ZFYVE9: variants seen among roughly 807,000 people sequenced by gnomAD.
ZFYVE9 encodes the protein zinc finger FYVE-type containing 9.
Under a neutral mutation model 126.7 loss-of-function variants are expected in ZFYVE9, and 43 were observed. The ratio of observed to expected loss-of-function variants is 0.34; its 90% CI spans 0.27 to 0.44. ZFYVE9 has a LOEUF of 0.44. Ranked by LOEUF, ZFYVE9 falls within the 20% of genes least tolerant of loss-of-function variation. The pLI is 1.00. For missense variants in ZFYVE9, 1,476 were observed against 1,697.0 expected (o/e 0.87, Z 2.29); for synonymous variants, 521 against 597.4 (o/e 0.87, Z 1.87).
Position 52,334,763 on chromosome 1 carries a change from T to C in ZFYVE9, c.3665T>C (p.Val1222Ala), listed in dbSNP as rs1184681925. The C allele has an allele frequency of 1.2e-6, 2 of 1,613,928 alleles. No individual in the cohort carries two copies. The highest frequency in any genetic ancestry group is 1.7e-6 in the Non-Finnish European group (2 of 1,179,866). The change falls in exon 15 of 19, where the codon GTG becomes GCG. Residue 1222 changes from valine (V) to alanine (A), a missense_variant. Val to Ala is a moderately conservative substitution (Grantham distance 64, BLOSUM62 0). Around this residue, in one of 2 missense-constraint regions of ZFYVE9, gnomAD observed 669 missense variants for 902.4 expected, o/e 0.74. Coordinates refer to ENST00000287727, the MANE Select transcript of ZFYVE9 (RefSeq NM_004799.4). The stretch of plus-strand genomic sequence containing the variant: ...GGATACCTTGCCAAGTCCAGTATTG[T>C]GGAAGGTAAAGAATGAATTGTTCAG... ...SSGYLAKSSI[V>A]EDGVMVQITA...
intron 1 of ZFYVE9, among the ~76,000 whole-genome samples, chr1:52,204,967 A>C (rs923026644): frequency 2.6e-5 from 4 of 151,730 alleles, no homozygotes; most frequent in African/African-American, 9.7e-5. Context: ...TCTGGTTCCC[A>C]CAGAGGTTCC....
chr1:52,149,510 G>A (rs1018202767), intron 1 of ZFYVE9, among the ~76,000 whole-genome samples: 2 of 152,192 alleles, frequency 1.3e-5, no homozygotes, highest in Non-Finnish European at 2.9e-5. Context: ...TTTCTAGGCA[G>A]TCAGGCATGA....
intron 9 of ZFYVE9, among the ~76,000 whole-genome samples, chr1:52,280,208 C>T (rs1312268990): frequency 1.4e-5 from 2 of 147,142 alleles, no homozygotes; most frequent in Non-Finnish European, 3.0e-5. Flanking sequence ...GAAACCTCAT[C>T]CCTACCAAAA....
intron 12 of ZFYVE9, among the ~76,000 whole-genome samples, chr1:52,296,698 G>A (rs907448860): frequency 1.3e-5 from 2 of 152,032 alleles, no homozygotes; most frequent in African/African-American, 2.4e-5. Flanking sequence ...AACAGGTTTG[G>A]TGAAATCAAG....
intron 11 of ZFYVE9, 138 bp from the exon 12 acceptor site, chr1:52,295,757 A>G (rs1048974176): frequency 1.1e-4 from 70 of 637,226 alleles, no homozygotes; most frequent in Non-Finnish European, 1.3e-4. Context: ...ACCATGCCAA[A>G]TACTTTTTGA....
intron 17 of ZFYVE9, among the ~76,000 whole-genome samples, chr1:52,343,500 A>G (rs12726047): frequency 6.6e-6 from 1 of 151,570 alleles, no homozygotes; most frequent in African/African-American, 2.4e-5. Context: ...TCACACCTGT[A>G]ATCGTAGCAC....
At chr1:52,163,089 C>A (rs527476289) in intron 1 of ZFYVE9, 64 of 207,582 alleles carry the variant, frequency 3.1e-4, no homozygotes, top group South Asian at 1.4e-4. Context: ...TTGTACTTTG[C>A]GTATTCTTCC....
intron 9 of ZFYVE9, among the ~76,000 whole-genome samples, chr1:52,280,106 A>G (rs764588477): frequency 6.6e-6 from 1 of 151,496 alleles, no homozygotes; most frequent in Non-Finnish European, 1.5e-5. Context: ...ACCAGGCACC[A>G]TGGTGCACAC....
At chr1:52,183,728 A>G (rs1414198455) in intron 1 of ZFYVE9, among the ~76,000 whole-genome samples, 1 of 151,626 alleles carries the variant, frequency 6.6e-6, no homozygotes, top group East Asian at 1.9e-4. Flanking sequence ...CTGGTCTCAA[A>G]CTCCTGAGCT....
At chr1:52,304,977 G>A (rs1455540774) in intron 13 of ZFYVE9, among the ~76,000 whole-genome samples, 2 of 152,144 alleles carry the variant, frequency 1.3e-5, no homozygotes, top group East Asian at 3.9e-4. Flanking sequence ...ATCTTGCTCT[G>A]TTGCCCAGGC....
intron 4 of ZFYVE9, among the ~76,000 whole-genome samples, chr1:52,245,758 C>T (rs1481258368): frequency 2.0e-4 from 30 of 152,092 alleles, no homozygotes; most frequent in Admixed American, 2.0e-3. Flanking sequence ...CCCTAATTAA[C>T]ATTGAAGAAA....
intron 1 of ZFYVE9, among the ~76,000 whole-genome samples, chr1:52,146,030 C>CACAT (rs961157196): frequency 6.7e-6 from 1 of 150,040 alleles, no homozygotes; most frequent in Non-Finnish European, 1.5e-5. Context: ...AAAATATCCA[C>CACAT]ACACACACAC....
intron 2 of ZFYVE9, among the ~76,000 whole-genome samples, chr1:52,231,721 T>A (rs1171328568): frequency 1.3e-5 from 2 of 151,926 alleles, no homozygotes; most frequent in Non-Finnish European, 2.9e-5. Context: ...CCTCCCGGGT[T>A]CAAGTGATTC....
intron 2 of ZFYVE9, among the ~76,000 whole-genome samples, chr1:52,219,598 C>T (rs757299383): frequency 5.9e-5 from 9 of 151,740 alleles, no homozygotes; most frequent in Non-Finnish European, 1.0e-4. Context: ...GTGGAGTTTG[C>T]GCTAGGAGGC....
At chr1:52,271,991 C>G (rs1012981597) in intron 7 of ZFYVE9, among the ~76,000 whole-genome samples, 10 of 152,016 alleles carry the variant, frequency 6.6e-5, no homozygotes, top group Non-Finnish European at 8.8e-5. Flanking sequence ...AGGCGCCCAC[C>G]ACCACACCTG....
At chr1:52,331,746 T>A (rs754101944) in intron 13 of ZFYVE9, among the ~76,000 whole-genome samples, 1 of 146,574 alleles carries the variant, frequency 6.8e-6, no homozygotes, top group Non-Finnish European at 1.5e-5. Flanking sequence ...AGAGAGACCC[T>A]GTCTCAAAAA....
At chr1:52,286,108 A>G (rs1645856037) in intron 10 of ZFYVE9, among the ~76,000 whole-genome samples, 1 of 151,632 alleles carries the variant, frequency 6.6e-6, no homozygotes, top group Admixed American at 6.6e-5. Flanking sequence ...GTGAGCCAAG[A>G]TCGTGCCATT....
chr1:52,290,371 C>T (rs909634314), intron 10 of ZFYVE9, among the ~76,000 whole-genome samples: 1 of 152,202 alleles, frequency 6.6e-6, no homozygotes, highest in African/African-American at 2.4e-5. Context: ...CACCAAGTTT[C>T]CAACACATGC....
At chr1:52,143,540 A>T (rs575885354) in intron 1 of ZFYVE9, among the ~76,000 whole-genome samples, 1 of 152,226 alleles carries the variant, frequency 6.6e-6, no homozygotes, top group Non-Finnish European at 1.5e-5. Context: ...CTTAATAAAT[A>T]TTTAATAATA....
Sources: allele counts gnomAD v4.1 joint callset (sites outside exome capture counted in the v4.1 genomes callset), GRCh38; gene constraint gnomAD v4.1.1; regional missense constraint gnomAD v4.1.1; transcripts MANE v1.5; gene names NCBI Gene and HGNC (gene_info 2026-07-23, HGNC 2026-07-21).